The following SYT7 variants were observed in gnomAD, a reference collection of about 807,000 sequenced individuals.
SYT7 encodes the protein synaptotagmin-7.
SYT7 carries 29 observed loss-of-function variants against 75.1 expected under a neutral mutation model. The ratio of observed to expected loss-of-function variants is 0.39; its 90% CI spans 0.29 to 0.53. The LOEUF is 0.53. Ranked by LOEUF, SYT7 falls within the 20% of genes least tolerant of loss-of-function variation. The probability of loss-of-function intolerance (pLI) is 0.77; values close to 1 mark genes in which losing one functional copy is unlikely to be tolerated. For synonymous variants in SYT7, 376 were observed against 401.7 expected (o/e 0.94, Z 0.76); for missense variants, 693 against 953.2 (o/e 0.73, Z 3.59).
chr11:61,573,771 T>G (rs2063990186), intron 1 of SYT7, among the ~76,000 whole-genome samples: 1 of 152,178 alleles, frequency 6.6e-6, no homozygotes, highest in South Asian at 2.1e-4. Flanking sequence ...CCACTGCATG[T>G]GCTGTCCCCA....
the SYT7 span, among the ~76,000 whole-genome samples, chr11:61,587,645 G>A: frequency 1.3e-5 from 2 of 152,274 alleles, no homozygotes; most frequent in Non-Finnish European, 2.9e-5. Flanking sequence ...ATTCCTGGGG[G>A]GCGGGGGACG....
intron 1 of SYT7, among the ~76,000 whole-genome samples, chr11:61,574,225 T>G (rs757463208): frequency 2.6e-5 from 4 of 152,202 alleles, no homozygotes; most frequent in Non-Finnish European, 5.9e-5. Flanking sequence ...TTTTTCTGCC[T>G]TATCTCACCT....
In SYT7 at chr11:61,528,200, G is replaced by A; in HGVS notation, c.1201-15C>T. 2 of 1,608,012 alleles carry A rather than the reference G, an allele frequency of 1.2e-6. No individual in the cohort carries two copies. Among genetic ancestry groups the A allele is most frequent in the East Asian group, 2.2e-5 (1 of 44,858 alleles). On this transcript the variant is annotated splice_polypyrimidine_tract_variant and intron_variant, in intron 8 of 12. Transcript: ENST00000539008. ...CCTGGGGAGAGCTGGGGGTGGGGGA[G>A]AGGCCGGCAGGGTTTGGGGAGGATT...
upstream of SYT7, among the ~76,000 whole-genome samples, chr11:61,584,801 C>T (rs951656078): frequency 2.0e-5 from 3 of 152,324 alleles, no homozygotes; most frequent in East Asian, 5.8e-4. Flanking sequence ...TGTGAATCAC[C>T]CCTGCCCTGC....
chr11:61,541,063 C>T (rs2063028505), intron 6 of SYT7: 19 of 985,352 alleles, frequency 1.9e-5, no homozygotes, highest in African/African-American at 7.0e-5. Context: ...AGGGCCTCTT[C>T]GGGTGGGGTG....
the SYT7 span, among the ~76,000 whole-genome samples, chr11:61,586,467 C>T: frequency 3.3e-5 from 5 of 152,140 alleles, no homozygotes; most frequent in Admixed American, 2.0e-4. Flanking sequence ...GTGAGTGACC[C>T]GGGGTCAGCC....
intron 1 of SYT7, among the ~76,000 whole-genome samples, chr11:61,571,881 C>T (rs576436122): frequency 4.6e-5 from 7 of 152,268 alleles, no homozygotes; most frequent in African/African-American, 1.7e-4. Context: ...CAGATGGGGA[C>T]CCTGGGGACA....
chr11:61,516,887 A>C lies in SYT7; in HGVS notation c.*1740T>G. On this transcript the variant is annotated 3_prime_UTR_variant, in exon 13 of 13. Transcript: ENST00000539008. The surrounding 1 kb of genome is among the most constrained non-coding windows in gnomAD (Gnocchi z 4.6). ...CGATTTAATTTCAGAAAATTTCGGT[A>C]TGGGCAAAAGGCGACCCGTCTACTG... is the stretch of plus-strand genomic sequence containing the variant. 1 of 190,298 alleles carries C rather than the reference A, an allele frequency of 5.3e-6. No homozygotes were observed. The highest frequency in any genetic ancestry group is 1.1e-5 in the Non-Finnish European group (1 of 93,744). The allele number at this position is 190,298 out of a possible 1,614,324, so 11.8% of individuals were successfully genotyped here. A position where few individuals can be genotyped will look rare whatever the true frequency, so the allele number is the denominator to read the frequency against.
intron 5 of SYT7, among the ~76,000 whole-genome samples, chr11:61,544,270 A>C (rs1328170746): frequency 6.6e-6 from 1 of 152,088 alleles, no homozygotes; most frequent in Non-Finnish European, 1.5e-5. Context: ...CACCACCGCA[A>C]CCAGACCTCA....
chr11:61,522,941 TGAGAG>T (rs1452365023), intron 12 of SYT7, 129 bp downstream of exon 12: 13 of 871,068 alleles, frequency 1.5e-5, no homozygotes, highest in Admixed American at 4.3e-5. Flanking sequence ...AACAGAGGCC[TGAGAG>T]GAGAGGAGAC....
chr11:61,518,601 G>GC lies in SYT7; in HGVS notation c.*25dup, dbSNP rs1484214899. The GC allele has an allele frequency of 1.9e-5, 28 of 1,499,684 alleles. No individual in the cohort carries two copies. In the Admixed American group the frequency reaches 5.9e-4, roughly 32 times the overall value. 92.9% of individuals were successfully genotyped at this position (1,499,684 alleles called of 1,614,324 possible). ...GGCATGATGGGGACCTGGGCCCTCGGCCCCCTGGGCCTCCCTTGGCCCCAC... is the reference window on the plus strand; with the variant it reads ...GGCATGATGGGGACCTGGGCCCTCGGCCCCCCTGGGCCTCCCTTGGCCCCAC... On this transcript the variant is annotated 3_prime_UTR_variant, in exon 13 of 13. Coordinates refer to ENST00000539008, the MANE Select transcript of SYT7 (RefSeq NM_001365809.2).
In SYT7 at chr11:61,558,501, C is replaced by CAT. The variant is rs556868135; in HGVS notation, c.32-2295_32-2294insAT. Among the ~76,000 whole-genome samples, 366 of 138,526 alleles carry CAT rather than the reference C, an allele frequency of 2.6e-3. 4 individuals are homozygous for CAT. The South Asian group carries it at 0.031, about 12-fold the overall frequency. 90.9% of individuals were successfully genotyped at this position (138,526 alleles called of 152,430 possible). On this transcript the variant is annotated intron_variant, in intron 1 of 12. Coordinates refer to ENST00000539008, the MANE Select transcript of SYT7 (RefSeq NM_001365809.2). ...ATATATATATACACACACACACACA[C>CAT]ACATACACACACACACACACACACA...
chr11:61,529,303 C>A (rs2062628329), intron 8 of SYT7, among the ~76,000 whole-genome samples: 1 of 152,200 alleles, frequency 6.6e-6, no homozygotes, highest in South Asian at 2.1e-4. Flanking sequence ...GAGAGGCAGC[C>A]CTAGGCTCTG....
At chr11:61,570,838 G>T (rs534139226) in intron 1 of SYT7, among the ~76,000 whole-genome samples, 1 of 152,314 alleles carries the variant, frequency 6.6e-6, no homozygotes, top group South Asian at 2.1e-4. Context: ...ACAGGTCACT[G>T]TTCCTCTCTG....
chr11:61,541,563 C>T (rs1200104190), intron 6 of SYT7, among the ~76,000 whole-genome samples: 2 of 152,126 alleles, frequency 1.3e-5, no homozygotes, highest in Non-Finnish European at 2.9e-5. Flanking sequence ...TTTTCTAAAG[C>T]TTTGGGGCAA....
At chr11:61,525,408 C>T (rs2062483831) in intron 9 of SYT7, among the ~76,000 whole-genome samples, 1 of 152,142 alleles carries the variant, frequency 6.6e-6, no homozygotes, top group East Asian at 1.9e-4. Context: ...AATGACTGGG[C>T]TCCAGCCACA....
At chr11:61,527,816 C>T in intron 9 of SYT7, 99 bp downstream of exon 9, 2 of 1,435,474 alleles carry the variant, frequency 1.4e-6, no homozygotes, top group East Asian at 2.3e-5. Flanking sequence ...GGTGTGTGTA[C>T]ACATATGTGT....
chr11:61,528,357 G>A (rs927436532), intron 8 of SYT7, among the ~76,000 whole-genome samples, 172 bp from the exon 9 acceptor site: 4 of 152,174 alleles, frequency 2.6e-5, no homozygotes, highest in African/African-American at 9.7e-5. Context: ...TCTCCCAGGA[G>A]GGGAGGGGAA....
At chr11:61,583,444 C>A (rs2064323842), upstream of SYT7, among the ~76,000 whole-genome samples, 1 of 152,146 alleles carries the variant, frequency 6.6e-6, no homozygotes, top group African/African-American at 2.4e-5. Flanking sequence ...CTGAGAGATG[C>A]CCCAGGCTGC....
Sources: gnomAD v4.1 joint callset for allele counts (sites outside exome capture counted in the v4.1 genomes callset) on GRCh38, gnomAD v4.1.1 for gene constraint, Gnocchi (gnomAD v3.1) non-coding constraint, MANE v1.5 for transcripts, NCBI Gene and HGNC (gene_info 2026-07-23, HGNC 2026-07-21) for gene names.